The following GLB1 variants were observed in gnomAD, a reference collection of about 807,000 sequenced individuals.
The protein encoded by GLB1 is beta-galactosidase.
A neutral mutation model predicts 74.0 loss-of-function variants in GLB1; 56 were observed. That is an observed-to-expected ratio of 0.76 (90% CI 0.61 to 0.94). The LOEUF is 0.94. Ranked by LOEUF, GLB1 falls within the 40% of genes least tolerant of loss-of-function variation. The probability of loss-of-function intolerance (pLI) is 0.00; values close to 1 mark genes in which losing one functional copy is unlikely to be tolerated. For synonymous variants in GLB1, 323 were observed against 323.6 expected, an observed-to-expected ratio of 1.00 and a Z score of 0.02; for missense variants, 787 against 845.5, an observed-to-expected ratio of 0.93 and a Z score of 0.86.
chr3:32,971,390 A>G, the GLB1 span, among the ~76,000 whole-genome samples: 3 of 152,228 alleles, frequency 2.0e-5, no homozygotes, highest in Non-Finnish European at 4.4e-5. Context: ...GAGCATTTTA[A>G]TCAGCCAGTG....
intron 1 of GLB1, among the ~76,000 whole-genome samples, chr3:33,089,177 C>A (rs1300027326): frequency 6.6e-6 from 1 of 152,152 alleles, no homozygotes; most frequent in Non-Finnish European, 1.5e-5. Flanking sequence ...AACTATAACA[C>A]TCCTAGAAGA....
rs986240787 is a variant in GLB1 at position 33,084,607 on chromosome 3, A to G, written c.76-11894T>C. Among the ~76,000 whole-genome samples, 5 of 152,384 alleles carry G rather than the reference A, an allele frequency of 3.3e-5. No individual in the cohort carries two copies. The South Asian group carries it at 1.0e-3, about 32-fold the overall frequency. ...AGAAGGCAAATCGCAATGGAAGAGG[A>G]GAAGCGAGCACAGCTTTAGACTGAT... is the stretch of plus-strand genomic sequence containing the variant. On this transcript the variant is annotated intron_variant, in intron 1 of 15. Coordinates refer to ENST00000307363, the MANE Select transcript of GLB1 (RefSeq NM_000404.4).
chr3:33,044,675 T>A (rs538237682), intron 10 of GLB1, among the ~76,000 whole-genome samples: 2 of 152,166 alleles, frequency 1.3e-5, no homozygotes, highest in Non-Finnish European at 2.9e-5. Flanking sequence ...TAAGTCTAGA[T>A]TGTATTTTTT....
At chr3:32,982,804 G>A in the GLB1 span, among the ~76,000 whole-genome samples, 2 of 152,144 alleles carry the variant, frequency 1.3e-5, no homozygotes, top group Admixed American at 6.5e-5. Flanking sequence ...CCTTCAGTGA[G>A]AGTCTCTGTT....
intron 10 of GLB1, among the ~76,000 whole-genome samples, chr3:33,025,022 C>T (rs905437586): frequency 5.3e-5 from 8 of 152,016 alleles, no homozygotes; most frequent in African/African-American, 9.6e-5. Flanking sequence ...CTCAGCTCAC[C>T]GCAACCTCTG....
At chr3:33,053,571 A>G (rs1221526365) in intron 6 of GLB1, 22 bp from the exon 7 acceptor site, 1 of 1,614,152 alleles carries the variant, frequency 6.2e-7, no homozygotes, top group Non-Finnish European at 8.5e-7. Context: ...AAGAGGGAGA[A>G]GGTAGGTCAG....
At chr3:33,090,470 A>G in intron 1 of GLB1, 3 of 985,480 alleles carry the variant, frequency 3.0e-6, no homozygotes, top group Non-Finnish European at 3.6e-6. Flanking sequence ...TTGTGACAGC[A>G]TCATATACTA....
chr3:33,058,533 A>C (rs1414761608), intron 5 of GLB1, among the ~76,000 whole-genome samples: 1 of 152,208 alleles, frequency 6.6e-6, no homozygotes, highest in East Asian at 1.9e-4. Context: ...TTCAGATTGT[A>C]GTGGTATTCT....
intron 1 of GLB1, among the ~76,000 whole-genome samples, chr3:33,078,772 T>C (rs570097970): frequency 1.4e-3 from 218 of 152,334 alleles, no homozygotes; most frequent in African/African-American, 4.9e-3. Context: ...TGATACGATA[T>C]TCATTAGGTC....
chr3:33,092,572 A>G, intron 1 of GLB1: 1 of 1,233,304 alleles, frequency 8.1e-7, no homozygotes. Flanking sequence ...CATCTGGAAA[A>G]TAGAGGGGAG....
chr3:33,090,723 T>G lies in GLB1; in HGVS notation c.75+6288A>C, dbSNP rs143050102. The G allele has an allele frequency of 8.7e-4, 854 of 985,424 alleles. 23 individuals are homozygous for G. Among genetic ancestry groups the G allele is most frequent in the East Asian group, 2.7e-3 (24 of 8,820 alleles). 61.0% of individuals were successfully genotyped at this position (985,424 alleles called of 1,614,324 possible). A position where few individuals can be genotyped will look rare whatever the true frequency, so the allele number is the denominator to read the frequency against. ...TGGACAGTGATGGAGAAATTTCTGC[T>G]GCAAAAATGTCCGCCGCGTCAGGGA... On this transcript the variant is annotated intron_variant, in intron 1 of 15. Transcript: ENST00000307363.
At chr3:33,095,210 C>CAAAAAA (rs71630565) in intron 1 of GLB1, among the ~76,000 whole-genome samples, 2 of 75,888 alleles carry the variant, frequency 2.6e-5, no homozygotes, top group East Asian at 5.0e-4. Context: ...GACTCTGTCT[C>CAAAAAA]AAAAAAAAAA....
At chr3:33,042,439 C>T (rs1698545986) in intron 10 of GLB1, among the ~76,000 whole-genome samples, 1 of 134,264 alleles carries the variant, frequency 7.4e-6, no homozygotes, top group African/African-American at 2.8e-5. Flanking sequence ...GTGATCTCGG[C>T]TCACTGCAAG....
At chr3:33,056,556 G>T (rs1404712801) in intron 6 of GLB1, among the ~76,000 whole-genome samples, 1 of 152,030 alleles carries the variant, frequency 6.6e-6, no homozygotes, top group African/African-American at 2.4e-5. Context: ...TAGGACTACA[G>T]GCACTTGCCA....
rs1407323946 is a variant in GLB1, at chr3:33,068,966, C to T, written c.250G>A (p.Val84Met). ...MAGLNAIQTY[V>M]PWNFHEPWPG... ...CAGGGCTCATGAAAGTTCCAGGGCA[C>T]ATACCTGCCAAGACACACACAGCCC... is the stretch of plus-strand genomic sequence containing the variant. Residue 84 changes from valine to methionine, a missense_variant, in exon 3 of 16, where the codon GTG (valine) becomes ATG (methionine). Coordinates refer to ENST00000307363, the MANE Select transcript of GLB1 (RefSeq NM_000404.4). The T allele has an allele frequency of 1.9e-6, 3 of 1,614,208 alleles. No homozygotes were observed. The highest frequency in any genetic ancestry group is 1.3e-5 in the African/African-American group (1 of 75,058).
In GLB1 at chr3:33,016,770, A is replaced by C; in HGVS notation, c.1418T>G (p.Leu473Arg). Residue 473 changes from leucine to arginine, a missense_variant, in exon 14 of 16, where the codon CTG becomes CGG. Coordinates refer to ENST00000307363, the MANE Select transcript of GLB1 (RefSeq NM_000404.4). ...LNITGKAGAT[L>R]DLLVENMGRV... is the part of the protein sequence containing the mutation. ...TCCCATGTTCTCTACCAGAAGGTCC[A>C]GAGTGGCTCCAGCTTTCCCTGTTAT... 6.2e-7 allele frequency: 1 copy of C among 1,614,202 alleles called. No individual in the cohort carries two copies. The highest frequency in any genetic ancestry group is 1.3e-5 in the African/African-American group (1 of 75,050).
the GLB1 span, among the ~76,000 whole-genome samples, chr3:32,985,634 T>G: frequency 6.6e-6 from 1 of 152,164 alleles, no homozygotes; most frequent in Non-Finnish European, 1.5e-5. Context: ...ATATTTTATT[T>G]TATGCATATG....
chr3:33,033,979 C>T (rs991921604), intron 10 of GLB1: 4 of 555,414 alleles, frequency 7.2e-6, no homozygotes, highest in African/African-American at 1.9e-5. Flanking sequence ...CCGTCAAAAT[C>T]TTCAAAGTGC....
At chr3:32,979,928 TA>T in the GLB1 span, among the ~76,000 whole-genome samples, 190 of 151,944 alleles carry the variant, frequency 1.3e-3, 1 homozygote, top group Non-Finnish European at 2.2e-3. Flanking sequence ...AAAAATTAAT[TA>T]AAAATTTTAA....
Sources: allele counts gnomAD v4.1 joint callset (sites outside exome capture counted in the v4.1 genomes callset), GRCh38; gene constraint gnomAD v4.1.1; transcripts MANE v1.5; gene names NCBI Gene and HGNC (gene_info 2026-07-23, HGNC 2026-07-21).